Variants in KCNK2 observed in about 807,000 individuals in gnomAD.
The protein encoded by KCNK2 is potassium channel subfamily K member 2.
Under a neutral mutation model 40.5 loss-of-function variants are expected in KCNK2, and 21 were observed. The observed-to-expected ratio is 0.52, with a 90% CI of 0.37 to 0.75. The LOEUF (loss-of-function observed/expected upper bound fraction) is 0.75. Among genes scored for constraint, KCNK2 ranks in the 30% least tolerant of loss-of-function variants. The probability of loss-of-function intolerance (pLI) is 0.00; values close to 1 mark genes in which losing one functional copy is unlikely to be tolerated. For missense variants in KCNK2, 399 were observed against 531.6 expected (o/e 0.75, Z 2.45); for synonymous variants, 191 against 202.2 (o/e 0.94, Z 0.47).
intron 1 of KCNK2, among the ~76,000 whole-genome samples, chr1:215,073,618 A>G (rs973872301): frequency 6.6e-6 from 1 of 152,174 alleles, no homozygotes. Flanking sequence ...AGAAACTGGA[A>G]TCCGGCCAGT....
chr1:215,060,168 C>T (rs551460286), intron 1 of KCNK2, among the ~76,000 whole-genome samples: 1 of 152,268 alleles, frequency 6.6e-6, no homozygotes, highest in South Asian at 2.1e-4. Flanking sequence ...GTCCGCAGTG[C>T]CAGCCAGAAA....
At chr1:215,048,813 A>T (rs1657878328) in intron 1 of KCNK2, among the ~76,000 whole-genome samples, 1 of 152,170 alleles carries the variant, frequency 6.6e-6, no homozygotes, top group South Asian at 2.1e-4. Context: ...CTGGACATGC[A>T]TCTGAGTTTG....
chr1:215,040,164 C>T (rs559607276), intron 1 of KCNK2, among the ~76,000 whole-genome samples: 1 of 152,204 alleles, frequency 6.6e-6, no homozygotes, highest in East Asian at 1.9e-4. Flanking sequence ...TGTGAACTCC[C>T]CACTTAGCAT....
chr1:215,043,985 C>A (rs531186556), intron 1 of KCNK2, among the ~76,000 whole-genome samples: 2 of 151,564 alleles, frequency 1.3e-5, no homozygotes, highest in South Asian at 4.2e-4. Flanking sequence ...ATAAGAATCT[C>A]CAAAAGATAT....
chr1:215,135,050 T>A (rs1350399623), intron 3 of KCNK2, among the ~76,000 whole-genome samples: 4 of 152,148 alleles, frequency 2.6e-5, no homozygotes, highest in Non-Finnish European at 5.9e-5. Flanking sequence ...TGTTTTAACT[T>A]GATGGAAAAA....
At chr1:215,230,542 T>TATATATAC (rs1409117172) in intron 6 of KCNK2, among the ~76,000 whole-genome samples, 17 of 87,430 alleles carry the variant, frequency 1.9e-4, no homozygotes, top group African/African-American at 4.4e-4. Context: ...TGTATATATA[T>TATATATAC]ACACACACAT....
chr1:215,013,173 T>C (rs1656468741), intron 1 of KCNK2, among the ~76,000 whole-genome samples: 1 of 152,194 alleles, frequency 6.6e-6, no homozygotes, highest in Admixed American at 6.5e-5. Context: ...ATATGAGGTG[T>C]GGGTCAAGGT....
At position 215,197,425 on chromosome 1, in the gene KCNK2, T is replaced by C. The variant is rs377371077; in HGVS notation, c.963+2333T>C. ...GGTGCCTTCCCACTGTGTCTTCATA[T>C]GGCCTTTTCTCTGTGTGCATGCATG... is the stretch of plus-strand genomic sequence containing the variant. On this transcript the variant is annotated intron_variant, in intron 6 of 6. Transcript: ENST00000444842. Among the ~76,000 whole-genome samples, 65 of 152,292 alleles carry C rather than the reference T, an allele frequency of 4.3e-4. No homozygotes were observed. In the South Asian group the frequency reaches 0.013, roughly 31 times the overall value.
intron 1 of KCNK2, among the ~76,000 whole-genome samples, chr1:215,047,436 A>C (rs1657815741): frequency 6.6e-6 from 1 of 152,068 alleles, no homozygotes; most frequent in African/African-American, 2.4e-5. Context: ...GTTTCGAGAG[A>C]TTAAGTAACT....
intron 2 of KCNK2, among the ~76,000 whole-genome samples, chr1:215,110,389 GTA>G (rs1660628251): frequency 6.6e-6 from 1 of 151,904 alleles, no homozygotes; most frequent in Non-Finnish European, 1.5e-5. Context: ...TGATTTTTAT[GTA>G]TAGTGTAAGC....
rs867439290 is a variant in KCNK2 at position 215,056,001 on chromosome 1, C to T, written c.35-30367C>T. Reference sequence around the variant, plus strand: ...GTCACCTCAAAGATAAATTCATCTGCGTTTCATTTTTAAAAATATGTCAGC... The same window carrying T: ...GTCACCTCAAAGATAAATTCATCTGTGTTTCATTTTTAAAAATATGTCAGC... On this transcript the variant is annotated intron_variant, in intron 1 of 6. Transcript: ENST00000391895. 1.1e-4 allele frequency among the ~76,000 whole-genome samples: 17 copies of T among 152,144 alleles called. 2 individuals carry two copies. The Middle Eastern group carries it at 0.017, about 152-fold the overall frequency.
At chr1:215,113,737 A>G (rs188378135) in intron 2 of KCNK2, among the ~76,000 whole-genome samples, 1 of 152,320 alleles carries the variant, frequency 6.6e-6, no homozygotes, top group Non-Finnish European at 1.5e-5. Context: ...CTGGAATTAC[A>G]GGTGTGCAAC....
chr1:215,094,604 G>A (rs897934508), intron 2 of KCNK2, among the ~76,000 whole-genome samples: 1 of 152,052 alleles, frequency 6.6e-6, no homozygotes, highest in Non-Finnish European at 1.5e-5. Flanking sequence ...GTTCATGCTG[G>A]CTTGCAAAAT....
At chr1:215,133,208 C>T (rs1661750579) in intron 3 of KCNK2, among the ~76,000 whole-genome samples, 1 of 152,186 alleles carries the variant, frequency 6.6e-6, no homozygotes, top group Non-Finnish European at 1.5e-5. Flanking sequence ...AACACACTTT[C>T]ACCCATTCCT....
chr1:215,187,206 G>A (rs1036663602), intron 5 of KCNK2, among the ~76,000 whole-genome samples: 2 of 152,164 alleles, frequency 1.3e-5, no homozygotes, highest in Non-Finnish European at 2.9e-5. Context: ...CTGGGCTCAA[G>A]CGAACTTTCT....
At chr1:215,134,019 CG>C (rs1207177166) in intron 3 of KCNK2, among the ~76,000 whole-genome samples, 6 of 152,006 alleles carry the variant, frequency 3.9e-5, no homozygotes, top group Admixed American at 1.3e-4. Flanking sequence ...CCCCTCTAGG[CG>C]TAAATATCCC....
At chr1:215,054,027 G>C (rs1437424018) in intron 1 of KCNK2, among the ~76,000 whole-genome samples, 1 of 152,212 alleles carries the variant, frequency 6.6e-6, no homozygotes, top group Non-Finnish European at 1.5e-5. Flanking sequence ...GTTTAAAGCT[G>C]TGAGTTTTCT....
intron 2 of KCNK2, among the ~76,000 whole-genome samples, chr1:215,107,382 G>A (rs1382790790): frequency 6.6e-6 from 1 of 151,916 alleles, no homozygotes; most frequent in African/African-American, 2.4e-5. Flanking sequence ...AGGATTGCAG[G>A]ATTATATGGT....
chr1:215,021,220 T>C (rs1656773860), intron 1 of KCNK2, among the ~76,000 whole-genome samples: 1 of 152,232 alleles, frequency 6.6e-6, no homozygotes, highest in Non-Finnish European at 1.5e-5. Flanking sequence ...TTTATTTTCC[T>C]ATAAGTGAAC....
Sources: gnomAD v4.1 joint callset for allele counts (sites outside exome capture counted in the v4.1 genomes callset) on GRCh38, gnomAD v4.1.1 for gene constraint, MANE v1.5 for transcripts, NCBI Gene and HGNC (gene_info 2026-07-23, HGNC 2026-07-21) for gene names.